Variants in BAIAP2L2 observed in about 807,000 individuals in gnomAD.
The protein encoded by BAIAP2L2 is BAR/IMD domain-containing adapter protein 2-like 2.
A neutral mutation model predicts 60.4 loss-of-function variants in BAIAP2L2; 65 were observed. The observed-to-expected ratio is 1.08, with a 90% confidence interval of 0.88 to 1.32. The LOEUF is 1.32. BAIAP2L2 is among the 40% of genes most tolerant of loss of function. BAIAP2L2 has a pLI of 0.00. For missense variants in BAIAP2L2, 836 were observed against 741.2 expected (o/e 1.13, Z -1.48); for synonymous variants, 344 against 301.7 (o/e 1.14, Z -1.45).
intron 4 of BAIAP2L2, among the ~76,000 whole-genome samples, chr22:38,101,623 G>T (rs1290948481): frequency 6.6e-5 from 10 of 150,532 alleles, no homozygotes; most frequent in Non-Finnish European, 1.2e-4. Flanking sequence ...GAAGGCCAAG[G>T]TGTGTGGATC....
chr22:38,107,512 A>G (rs2086688414), intron 4 of BAIAP2L2, among the ~76,000 whole-genome samples: 1 of 152,080 alleles, frequency 6.6e-6, no homozygotes. Flanking sequence ...GGTCAGGTCC[A>G]TGTGGCTGCT....
intron 4 of BAIAP2L2, among the ~76,000 whole-genome samples, chr22:38,104,163 T>A (rs1366135613): frequency 6.6e-6 from 1 of 151,984 alleles, no homozygotes; most frequent in Non-Finnish European, 1.5e-5. Flanking sequence ...TAATAGCAGA[T>A]AAGGGGAAGG....
At chr22:38,087,386 A>G (rs2145930355) in intron 10 of BAIAP2L2, 122 bp from the exon 11 acceptor site, 2 of 1,134,778 alleles carry the variant, frequency 1.8e-6, no homozygotes, top group South Asian at 2.8e-5. Context: ...ACAGACTACA[A>G]TCAATTCCGT....
At chr22:38,108,169 G>T in intron 3 of BAIAP2L2, 86 bp downstream of exon 3, 1 of 1,307,888 alleles carries the variant, frequency 7.6e-7, no homozygotes, top group Non-Finnish European at 1.1e-6. Context: ...TGAAAGGCCT[G>T]TGTCAGGGAC....
rs578044407 is a variant in BAIAP2L2, at chr22:38,103,434, C to T, written c.276+4418G>A. ...TTCAGATTATGGCTTTGAAATACCACTTGCACTAAAAACAAAAAGTAAAAA... is the reference window on the plus strand; with the variant it reads ...TTCAGATTATGGCTTTGAAATACCATTTGCACTAAAAACAAAAAGTAAAAA... On this transcript the variant is annotated intron_variant, in intron 4 of 13. Transcript: ENST00000381669. 2.4e-4 allele frequency among the ~76,000 whole-genome samples: 36 copies of T among 152,280 alleles called. No homozygotes were observed. The South Asian group carries it at 7.2e-3, about 31-fold the overall frequency.
Position 38,086,456 on chromosome 22 carries a change from C to G in BAIAP2L2, c.1260-7G>C. On this transcript the variant is annotated splice_region_variant and splice_polypyrimidine_tract_variant and intron_variant, in intron 11 of 13. Coordinates refer to ENST00000381669, the MANE Select transcript of BAIAP2L2 (RefSeq NM_025045.6). ...GCCCCGGAGTGGGTAGGACCTAAGT[C>G]CAGAGAAAGGAGGGGGAAGGAAAGG... 6.7e-7 allele frequency: 1 copy of G among 1,483,290 alleles called. No homozygotes were observed. The highest frequency in any genetic ancestry group is 9.0e-7 in the Non-Finnish European group (1 of 1,110,492). 91.9% of individuals were successfully genotyped at this position (1,483,290 alleles called of 1,614,324 possible).
intron 10 of BAIAP2L2, among the ~76,000 whole-genome samples, chr22:38,088,284 G>C (rs891692945): frequency 6.6e-6 from 1 of 152,124 alleles, no homozygotes; most frequent in South Asian, 2.1e-4. Context: ...CCTCCTCCAC[G>C]TCAAGTGTCA....
rs148416455 is a variant in BAIAP2L2, at chr22:38,095,011, G to A, written c.612+2021C>T. Among the ~76,000 whole-genome samples the A allele has an allele frequency of 1.1e-4, 17 of 152,268 alleles. No individual in the cohort carries two copies. In the East Asian group the frequency reaches 3.3e-3, roughly 29 times the overall value. Reference sequence around the variant, plus strand: ...TACTAAAAATACAAAAATTAGCTGGGCATGGTGGCGCACACCTGTAATCCC... The same window carrying A: ...TACTAAAAATACAAAAATTAGCTGGACATGGTGGCGCACACCTGTAATCCC... On this transcript the variant is annotated intron_variant, in intron 7 of 13. Coordinates refer to ENST00000381669, the MANE Select transcript of BAIAP2L2 (RefSeq NM_025045.6).
At chr22:38,093,903 C>T (rs775857838) in intron 7 of BAIAP2L2, 4 of 456,422 alleles carry the variant, frequency 8.8e-6, no homozygotes, top group Non-Finnish European at 1.8e-5. Context: ...GGATGCTCAG[C>T]GCAGCAGTGG....
chr22:38,110,329 G>C, intron 1 of BAIAP2L2, 146 bp downstream of exon 1: 3 of 793,742 alleles, frequency 3.8e-6, no homozygotes, highest in Non-Finnish European at 6.2e-6. Flanking sequence ...CCTTACCCCC[G>C]TACCCACCCC....
chr22:38,106,224 A>G (rs1000248348), intron 4 of BAIAP2L2, among the ~76,000 whole-genome samples: 2 of 152,064 alleles, frequency 1.3e-5, no homozygotes, highest in African/African-American at 4.8e-5. Flanking sequence ...TACTAATAGA[A>G]AGATTGTTCC....
At chr22:38,105,911 T>C (rs369687949) in intron 4 of BAIAP2L2, among the ~76,000 whole-genome samples, 9 of 152,254 alleles carry the variant, frequency 5.9e-5, no homozygotes, top group African/African-American at 2.2e-4. Context: ...TCTGGCACTG[T>C]TCTGTCTGGT....
In BAIAP2L2 at chr22:38,089,607, G is replaced by A. The variant is rs2086230173; in HGVS notation, c.680C>T (p.Ser227Leu). Residue 227 changes from serine to leucine, a missense_variant, in exon 8 of 14, where the codon TCG becomes TTG. Physicochemically the swap from Ser to Leu is moderately radical, Grantham distance 145 (BLOSUM62 -2). Coordinates refer to ENST00000381669, the MANE Select transcript of BAIAP2L2 (RefSeq NM_025045.6). ...CAGCAGGCCGGGGGAGTGGGCGCGC[G>A]ACGGGCTGCGGCTGGCCTCAGACTG... ...KEQSEASRSP[S>L]RAHSPGLLGP... 3 of 1,234,268 alleles carry A rather than the reference G, an allele frequency of 2.4e-6. No individual in the cohort carries two copies. The highest frequency in any genetic ancestry group is 4.2e-5 in the Admixed American group (1 of 23,656). The allele number at this position is 1,234,268 out of a possible 1,614,324, so 76.5% of individuals were successfully genotyped here. A position where few individuals can be genotyped will look rare whatever the true frequency, so the allele number is the denominator to read the frequency against.
rs567830342 is a variant in BAIAP2L2 at position 38,087,050 on chromosome 22, C to G, written c.1259+74G>C. ...AACAAAAAAACAAGCCTGCACCTTG[C>G]AGATCCTCTCCGCTGGGCAGTGACA... On this transcript the variant is annotated intron_variant, in intron 11 of 13. Transcript: ENST00000381669. 35 of 1,439,940 alleles carry G rather than the reference C, an allele frequency of 2.4e-5. No individual in the cohort carries two copies. The African/African-American group carries it at 4.9e-4, about 20-fold the overall frequency. 89.2% of individuals were successfully genotyped at this position (1,439,940 alleles called of 1,614,324 possible). A position where few individuals can be genotyped will look rare whatever the true frequency, so the allele number is the denominator to read the frequency against.
At chr22:38,089,023 C>A (rs988670909) in intron 9 of BAIAP2L2, 59 bp from the exon 10 acceptor site, 14 of 1,450,754 alleles carry the variant, frequency 9.7e-6, no homozygotes, top group Admixed American at 4.8e-5. Context: ...CGTCTGCCCT[C>A]GATCCCTCCT....
In BAIAP2L2 at chr22:38,085,359, C is replaced by T; in HGVS notation, c.1531G>A (p.Ala511Thr). Reference sequence around the variant, plus strand: ...ATGGTGGGACGAAGCTTGACAGTGGCAAAAGGATTTGTGCCCCTGTAGGAG... The same window carrying T: ...ATGGTGGGACGAAGCTTGACAGTGGTAAAAGGATTTGTGCCCCTGTAGGAG... ...ELFPRGTNPF[A>T]TVKLRPTITN... is the part of the protein sequence containing the mutation. The change falls in exon 14 of 14, where the codon GCC (alanine) becomes ACC (threonine). Residue 511 changes from alanine to threonine, a missense_variant. Transcript: ENST00000381669. The T allele has an allele frequency of 6.2e-7, 1 of 1,613,976 alleles. No individual in the cohort carries two copies. Among genetic ancestry groups the T allele is most frequent in the Non-Finnish European group, 8.5e-7 (1 of 1,179,922 alleles).
At position 38,089,506 on chromosome 22, in the gene BAIAP2L2, G is replaced by C; in HGVS notation, c.765+16C>G. ...GGCGGGGGCGCGAACGGCGGCGGGG[G>C]CGCCCAGGGCCTCACCATGTCCAGG... On this transcript the variant is annotated intron_variant, in intron 8 of 13. Coordinates refer to ENST00000381669, the MANE Select transcript of BAIAP2L2 (RefSeq NM_025045.6). 1 of 1,197,982 alleles carries C rather than the reference G, an allele frequency of 8.3e-7. No homozygotes were observed. The highest frequency in any genetic ancestry group is 1.0e-6 in the Non-Finnish European group (1 of 965,716). 74.2% of individuals were successfully genotyped at this position (1,197,982 alleles called of 1,614,324 possible).
At chr22:38,098,302 C>G in intron 5 of BAIAP2L2, 109 bp downstream of exon 5, 4 of 1,452,406 alleles carry the variant, frequency 2.8e-6, no homozygotes, top group Non-Finnish European at 3.8e-6. Context: ...CATGGATAAT[C>G]TGGGGCCCAG....
chr22:38,085,142 G>A lies in BAIAP2L2; in HGVS notation c.*158C>T. ...TCTCGGACCCCAAGCCAGTGCTTTG[G>A]AGCTGCTCAGGCTGCCGGGGTGGTC... On this transcript the variant is annotated 3_prime_UTR_variant, in exon 14 of 14. Transcript: ENST00000381669. 2 of 686,912 alleles carry A rather than the reference G, an allele frequency of 2.9e-6. No individual in the cohort carries two copies. Among genetic ancestry groups the A allele is most frequent in the African/African-American group, 1.8e-5 (1 of 55,930 alleles). The allele number at this position is 686,912 out of a possible 1,614,324, so 42.6% of individuals were successfully genotyped here.
Sources: allele counts gnomAD v4.1 joint callset (sites outside exome capture counted in the v4.1 genomes callset), GRCh38; gene constraint gnomAD v4.1.1; transcripts MANE v1.5; gene names NCBI Gene and HGNC (gene_info 2026-07-23, HGNC 2026-07-21).